PHYHIPL: variants seen among roughly 807,000 people sequenced by gnomAD.
PHYHIPL encodes phytanoyl-CoA hydroxylase-interacting protein-like.
A neutral mutation model predicts 33.4 loss-of-function variants in PHYHIPL; 9 were observed. The observed-to-expected ratio is 0.27, with a 90% CI of 0.16 to 0.47. PHYHIPL has a LOEUF of 0.47. Ranked by LOEUF, PHYHIPL falls within the 20% of genes least tolerant of loss-of-function variation. PHYHIPL has a pLI of 0.99. For missense variants in PHYHIPL, 365 were observed against 460.7 expected, an observed-to-expected ratio of 0.79 and a Z score of 1.90; for synonymous variants, 153 against 154.1, an observed-to-expected ratio of 0.99 and a Z score of 0.05.
intron 1 of PHYHIPL, chr10:59,177,358 A>AAC (rs757370945): frequency 1.2e-4 from 121 of 1,005,006 alleles, no homozygotes; most frequent in East Asian, 7.6e-4. Context: ...CCCTTCCCCC[A>AAC]ACACACACAC....
intron 2 of PHYHIPL, among the ~76,000 whole-genome samples, chr10:59,235,337 G>A (rs1840192633): frequency 6.6e-6 from 1 of 151,718 alleles, no homozygotes; most frequent in South Asian, 2.1e-4. Context: ...CTTTCCAGAA[G>A]TATCTATAGA....
chr10:59,177,504 A>G (rs1464108617), intron 1 of PHYHIPL: 11 of 1,551,012 alleles, frequency 7.1e-6, no homozygotes, highest in Non-Finnish European at 9.6e-6. Flanking sequence ...GGGCGCAGAA[A>G]AACAGTGCAT....
chr10:59,241,752 T>G (rs959235514), intron 4 of PHYHIPL, among the ~76,000 whole-genome samples: 7 of 152,126 alleles, frequency 4.6e-5, no homozygotes, highest in African/African-American at 1.7e-4. Context: ...ATGGGTAGAT[T>G]CTCTTTTCCT....
chr10:59,224,452 C>G (rs1839861884), intron 1 of PHYHIPL, among the ~76,000 whole-genome samples: 1 of 51,676 alleles, frequency 1.9e-5, no homozygotes, highest in Non-Finnish European at 5.7e-5. Context: ...GACCCTGTCT[C>G]AAGGAAACAA....
chr10:59,216,509 G>A (rs1230750918), intron 1 of PHYHIPL, among the ~76,000 whole-genome samples: 3 of 152,008 alleles, frequency 2.0e-5, no homozygotes, highest in Admixed American at 6.6e-5. Flanking sequence ...CTGCTTCAGC[G>A]GAGTAAGGTG....
intron 1 of PHYHIPL, among the ~76,000 whole-genome samples, chr10:59,228,323 TAAAG>T (rs1839985450): frequency 6.6e-6 from 1 of 152,170 alleles, no homozygotes; most frequent in Non-Finnish European, 1.5e-5. Context: ...ATGTTATTAA[TAAAG>T]TGATATTTGT....
chr10:59,184,180 C>G (rs1838499838), intron 1 of PHYHIPL, among the ~76,000 whole-genome samples: 1 of 152,138 alleles, frequency 6.6e-6, no homozygotes, highest in Non-Finnish European at 1.5e-5. Flanking sequence ...TGGGCAAAAT[C>G]CATAAGCCTG....
At chr10:59,186,493 T>C (rs1276419515) in intron 1 of PHYHIPL, among the ~76,000 whole-genome samples, 1 of 152,188 alleles carries the variant, frequency 6.6e-6, no homozygotes, top group African/African-American at 2.4e-5. Flanking sequence ...TTTTTTCCAA[T>C]TCTGTGAAGA....
chr10:59,215,945 T>C (rs1839602851), intron 1 of PHYHIPL, among the ~76,000 whole-genome samples: 2 of 152,048 alleles, frequency 1.3e-5, no homozygotes, highest in Non-Finnish European at 2.9e-5. Flanking sequence ...GTTGATGCCA[T>C]TTACTGAAGT....
chr10:59,200,754 A>T (rs1839077489), intron 1 of PHYHIPL, among the ~76,000 whole-genome samples: 1 of 152,086 alleles, frequency 6.6e-6, no homozygotes, highest in Non-Finnish European at 1.5e-5. Flanking sequence ...TGGTCTATTT[A>T]GCCATTCAAC....
At chr10:59,212,446 A>G (rs1839483130) in intron 1 of PHYHIPL, among the ~76,000 whole-genome samples, 1 of 152,204 alleles carries the variant, frequency 6.6e-6, no homozygotes, top group Admixed American at 6.5e-5. Context: ...ACTGTAACCC[A>G]CTTGTGTAAC....
At chr10:59,227,427 G>T (rs1289847565) in intron 1 of PHYHIPL, among the ~76,000 whole-genome samples, 2 of 152,142 alleles carry the variant, frequency 1.3e-5, no homozygotes, top group Non-Finnish European at 2.9e-5. Flanking sequence ...TTAATCTATT[G>T]ATGAGAGCAG....
In PHYHIPL at chr10:59,245,050, C is replaced by G; in HGVS notation, c.597-7C>G. ...ATTAAGCAGTGACCACTTGTTTTCT[C>G]TTGCAGAGAACATCATGGGAATGCT... On this transcript the variant is annotated splice_polypyrimidine_tract_variant and splice_region_variant and intron_variant, in intron 4 of 4. Transcript: ENST00000373880. 6.3e-7 allele frequency: 1 copy of G among 1,596,836 alleles called. No individual in the cohort carries two copies. The highest frequency in any genetic ancestry group is 8.5e-7 in the Non-Finnish European group (1 of 1,173,410).
At chr10:59,174,427 GAACCATAAACA>G (rs1191286192), upstream of PHYHIPL, among the ~76,000 whole-genome samples, 1 of 152,076 alleles carries the variant, frequency 6.6e-6, no homozygotes, top group Non-Finnish European at 1.5e-5. Flanking sequence ...TTGATATGTT[GAACCATAAACA>G]AATTTACATT....
chr10:59,200,944 CTCTTT>C (rs1328088465), intron 1 of PHYHIPL, among the ~76,000 whole-genome samples: 1 of 152,060 alleles, frequency 6.6e-6, no homozygotes, highest in East Asian at 1.9e-4. Flanking sequence ...TGATTCTTCT[CTCTTT>C]TCTTCTTTAT....
chr10:59,185,201 G>A (rs1157282531), intron 1 of PHYHIPL, among the ~76,000 whole-genome samples: 130 of 151,482 alleles, frequency 8.6e-4, no homozygotes, highest in African/African-American at 3.0e-3. Flanking sequence ...CGTTTTAGCC[G>A]GGATGGTCTC....
intron 1 of PHYHIPL, among the ~76,000 whole-genome samples, chr10:59,231,583 G>A (rs1840080179): frequency 6.6e-6 from 1 of 152,056 alleles, no homozygotes; most frequent in Non-Finnish European, 1.5e-5. Flanking sequence ...AAAAGCAGAA[G>A]CTATAGGAGA....
rs1238522801 is a variant in PHYHIPL, at chr10:59,236,603, G to A, written c.424G>A (p.Asp142Asn). ...AGTGCAGACTGCCTCAAAACAAGTTGATGGTGATTATGTTGTGTCTGAATG... is the reference window on the plus strand; with the variant it reads ...AGTGCAGACTGCCTCAAAACAAGTTAATGGTGATTATGTTGTGTCTGAATG... ...VAVQTASKQVDGDYVVSEWSE... is the reference protein window; with the variant it reads ...VAVQTASKQVNGDYVVSEWSE... Residue 142 changes from aspartate to asparagine, a missense_variant, in exon 3 of 5, where the codon GAT becomes AAT. By Grantham distance (23) the Asp-to-Asn change is conservative. Coordinates refer to ENST00000373880, the MANE Select transcript of PHYHIPL (RefSeq NM_032439.4). 6.2e-7 allele frequency: 1 copy of A among 1,610,648 alleles called. No homozygotes were observed. Among genetic ancestry groups the A allele is most frequent in the African/African-American group, 1.3e-5 (1 of 74,628 alleles).
upstream of PHYHIPL, among the ~76,000 whole-genome samples, chr10:59,176,422 G>C (rs1330498811): frequency 6.6e-6 from 1 of 151,998 alleles, no homozygotes; most frequent in Non-Finnish European, 1.5e-5. Flanking sequence ...GTCGCCCGAC[G>C]CCTCACGCGC....
Sources: allele counts gnomAD v4.1 joint callset (sites outside exome capture counted in the v4.1 genomes callset), GRCh38; gene constraint gnomAD v4.1.1; transcripts MANE v1.5; gene names NCBI Gene and HGNC (gene_info 2026-07-23, HGNC 2026-07-21).